Variants in DAPK1 observed in about 807,000 individuals in gnomAD.
DAPK1 encodes death associated protein kinase 1, also known as death-associated protein kinase 1.
Under a neutral mutation model 144.9 loss-of-function variants are expected in DAPK1, and 56 were observed. The observed-to-expected ratio is 0.39, with a 90% CI of 0.31 to 0.48. The LOEUF (loss-of-function observed/expected upper bound fraction) is 0.48, where lower values mean the gene tolerates loss of function less well. Among genes scored for constraint, DAPK1 ranks in the 20% least tolerant of loss-of-function variants. The pLI is 0.95. For synonymous variants in DAPK1, 690 were observed against 749.0 expected, an observed-to-expected ratio of 0.92 and a Z score of 1.29; for missense variants, 1,454 against 1,875.4, an observed-to-expected ratio of 0.78 and a Z score of 4.15.
At chr9:87,687,735 C>T (rs988765966) in intron 21 of DAPK1, among the ~76,000 whole-genome samples, 2 of 152,018 alleles carry the variant, frequency 1.3e-5, no homozygotes, top group Non-Finnish European at 2.9e-5. Context: ...TCCATAATAA[C>T]TGTACTAATT....
At chr9:87,642,960 T>C (rs1316307944) in intron 10 of DAPK1, among the ~76,000 whole-genome samples, 2 of 152,194 alleles carry the variant, frequency 1.3e-5, no homozygotes, top group Admixed American at 1.3e-4. Flanking sequence ...TTGTCTACCA[T>C]CACTGCTTAT....
chr9:87,548,124 A>C (rs566269335), intron 2 of DAPK1, among the ~76,000 whole-genome samples: 6 of 152,202 alleles, frequency 3.9e-5, no homozygotes, highest in Non-Finnish European at 5.9e-5. Flanking sequence ...TGCAGCACAA[A>C]GAGTAAGGCT....
At chr9:87,532,480 C>G (rs1825731612) in intron 2 of DAPK1, among the ~76,000 whole-genome samples, 2 of 152,124 alleles carry the variant, frequency 1.3e-5, no homozygotes, top group South Asian at 4.1e-4. Flanking sequence ...TTGCTGACCC[C>G]TGGTTTATAT....
chr9:87,522,837 A>G (rs1252562266), intron 2 of DAPK1, among the ~76,000 whole-genome samples: 1 of 152,200 alleles, frequency 6.6e-6, no homozygotes. Context: ...ATCAATTTTT[A>G]AGTATGAATA....
At chr9:87,512,901 C>G (rs1253299076) in intron 2 of DAPK1, among the ~76,000 whole-genome samples, 1 of 152,160 alleles carries the variant, frequency 6.6e-6, no homozygotes, top group East Asian at 1.9e-4. Context: ...CCCACCTCAG[C>G]CTCCCAAAGT....
At chr9:87,687,423 T>G (rs1238755094) in intron 21 of DAPK1, among the ~76,000 whole-genome samples, 1 of 152,236 alleles carries the variant, frequency 6.6e-6, no homozygotes, top group Non-Finnish European at 1.5e-5. Flanking sequence ...TGACTTAACA[T>G]AATGACCTCC....
intron 11 of DAPK1, among the ~76,000 whole-genome samples, chr9:87,643,814 G>A (rs1027457335): frequency 6.6e-6 from 1 of 151,942 alleles, no homozygotes; most frequent in Non-Finnish European, 1.5e-5. Context: ...CTGATATTTT[G>A]GTAAAAGAGA....
At chr9:87,636,338 C>A (rs960050636) in intron 3 of DAPK1, among the ~76,000 whole-genome samples, 2 of 152,160 alleles carry the variant, frequency 1.3e-5, no homozygotes, top group African/African-American at 4.8e-5. Context: ...CTCTGCCAGG[C>A]CCCTGGGGAT....
At chr9:87,692,271 T>C (rs573288618) in intron 21 of DAPK1, among the ~76,000 whole-genome samples, 1 of 152,176 alleles carries the variant, frequency 6.6e-6, no homozygotes, top group African/African-American at 2.4e-5. Context: ...AAGTCTGTTT[T>C]ATCTGATATA....
intron 21 of DAPK1, among the ~76,000 whole-genome samples, chr9:87,689,997 G>C (rs140418751): frequency 1.2e-4 from 18 of 152,206 alleles, no homozygotes; most frequent in African/African-American, 3.9e-4. Flanking sequence ...CCACTGTTTT[G>C]TTTCCATACA....
intron 4 of DAPK1, 24 bp downstream of exon 4, chr9:87,638,105 A>C (rs1240739921): frequency 1.3e-6 from 2 of 1,598,194 alleles, no homozygotes; most frequent in East Asian, 4.5e-5. Context: ...TGTAAGCCAG[A>C]TAGAAGCTTG....
At chr9:87,618,404 T>A (rs1423941760) in intron 3 of DAPK1, among the ~76,000 whole-genome samples, 3 of 152,232 alleles carry the variant, frequency 2.0e-5, no homozygotes, top group African/African-American at 7.2e-5. Flanking sequence ...GTAGTTTTCA[T>A]AGGACTCAGC....
chr9:87,657,674 T>G, intron 17 of DAPK1: 1 of 301,026 alleles, frequency 3.3e-6, no homozygotes. Flanking sequence ...CTTCAATATC[T>G]GTCTTCCATG....
chr9:87,613,452 G>A (rs1299908661), intron 3 of DAPK1, among the ~76,000 whole-genome samples: 1 of 152,164 alleles, frequency 6.6e-6, no homozygotes, highest in African/African-American at 2.4e-5. Flanking sequence ...TCAAACATTT[G>A]TGCAATATTA....
chr9:87,508,846 A>G (rs147353038), intron 2 of DAPK1, among the ~76,000 whole-genome samples: 2 of 152,316 alleles, frequency 1.3e-5, no homozygotes, highest in Admixed American at 6.5e-5. Flanking sequence ...GGGCTGCCTC[A>G]GAGAGGATAG....
At chr9:87,624,876 A>T (rs528218673) in intron 3 of DAPK1, among the ~76,000 whole-genome samples, 59 of 152,304 alleles carry the variant, frequency 3.9e-4, no homozygotes, top group African/African-American at 1.4e-3. Context: ...TTGAGAAGAA[A>T]ACACCCAGGG....
At chr9:87,561,937 C>T (rs7861017) in intron 2 of DAPK1, among the ~76,000 whole-genome samples, 2 of 151,914 alleles carry the variant, frequency 1.3e-5, no homozygotes, top group Admixed American at 1.3e-4. Context: ...GGGGTGCACT[C>T]CAGCTTTACT....
At chr9:87,547,255 AATG>A (rs763097285) in intron 2 of DAPK1, among the ~76,000 whole-genome samples, 1 of 152,038 alleles carries the variant, frequency 6.6e-6, no homozygotes. Context: ...ATGTTGTATT[AATG>A]ATGATGATGA....
intron 11 of DAPK1, among the ~76,000 whole-genome samples, chr9:87,643,771 C>T (rs551668136): frequency 6.4e-4 from 98 of 152,178 alleles, no homozygotes; most frequent in Admixed American, 3.7e-3. Flanking sequence ...TACACACATG[C>T]ACAGCAAATG....
Sources: allele counts gnomAD v4.1 joint callset (sites outside exome capture counted in the v4.1 genomes callset), GRCh38; gene constraint gnomAD v4.1.1; transcripts MANE v1.5; gene names NCBI Gene and HGNC (gene_info 2026-07-23, HGNC 2026-07-21).